Variants in METTL2A observed in about 807,000 individuals in gnomAD.
METTL2A encodes the protein methyltransferase 2A, tRNA N3-cytidine, also known as tRNA N(3)-cytidine methyltransferase METTL2A.
METTL2A carries 45 observed loss-of-function variants against 49.4 expected under a neutral mutation model. The observed-to-expected ratio is 0.91, with a 90% CI of 0.72 to 1.17. The LOEUF (loss-of-function observed/expected upper bound fraction) is 1.17. Among genes scored for constraint, METTL2A ranks in the 50% most tolerant of loss-of-function variants. The pLI is 0.00. For missense variants in METTL2A, 361 were observed against 462.2 expected, an observed-to-expected ratio of 0.78 and a Z score of 2.01; for synonymous variants, 118 against 167.5, an observed-to-expected ratio of 0.70 and a Z score of 2.28.
chr17:62,451,369 A>T lies in METTL2A; in HGVS notation c.*2640A>T, dbSNP rs1296057883. 6.6e-6 allele frequency among the ~76,000 whole-genome samples: 1 copy of T among 150,786 alleles called. No homozygotes were observed. Among genetic ancestry groups the T allele is most frequent in the Non-Finnish European group, 1.5e-5 (1 of 67,648 alleles). ...CTCCATGTTGGTCAGGCTGATCTCG[A>T]ACTCCCGACCTCAGGTGATCTGCCC... On this transcript the variant is annotated 3_prime_UTR_variant, in exon 9 of 9. Transcript: ENST00000311506.
intron 7 of METTL2A, among the ~76,000 whole-genome samples, chr17:62,446,109 A>G (rs1220298534): frequency 6.6e-6 from 1 of 152,244 alleles, no homozygotes; most frequent in East Asian, 1.9e-4. Flanking sequence ...TGGCCAATTC[A>G]AAGAAAGAGG....
intron 4 of METTL2A, among the ~76,000 whole-genome samples, chr17:62,434,094 A>G (rs1302017881): frequency 6.6e-6 from 1 of 152,224 alleles, no homozygotes; most frequent in Non-Finnish European, 1.5e-5. Flanking sequence ...CTGGCTGATT[A>G]GAGAACAGGA....
At chr17:62,444,964 C>T in intron 7 of METTL2A, 21 bp downstream of exon 7, 1 of 1,611,256 alleles carries the variant, frequency 6.2e-7, no homozygotes, top group Non-Finnish European at 8.5e-7. Context: ...AGTGCTGAAT[C>T]CTAACCACTA....
At chr17:62,430,124 T>C (rs149957280) in intron 4 of METTL2A, among the ~76,000 whole-genome samples, 1,600 of 152,338 alleles carry the variant, frequency 0.011, 23 homozygotes, top group African/African-American at 0.037. Context: ...TTAGCCTCAT[T>C]ACTAATATAC....
intron 7 of METTL2A, among the ~76,000 whole-genome samples, chr17:62,445,642 T>G (rs1212446660): frequency 6.6e-6 from 1 of 151,824 alleles, no homozygotes; most frequent in African/African-American, 2.4e-5. Context: ...CTACTAAAAA[T>G]ACAAATTAGC....
chr17:62,429,888 C>T, intron 4 of METTL2A, among the ~76,000 whole-genome samples: 1 of 152,238 alleles, frequency 6.6e-6, no homozygotes, highest in South Asian at 2.1e-4. Flanking sequence ...CTAGGCTGGT[C>T]TCGAACTCCT....
chr17:62,446,829 C>T, intron 7 of METTL2A, among the ~76,000 whole-genome samples: 1 of 152,112 alleles, frequency 6.6e-6, no homozygotes, highest in East Asian at 1.9e-4. Context: ...GAGCAATGTG[C>T]AAGGGAGTAT....
At chr17:62,438,973 ATTTTT>A (rs1167283450) in intron 5 of METTL2A, among the ~76,000 whole-genome samples, 2 of 93,546 alleles carry the variant, frequency 2.1e-5, no homozygotes, top group African/African-American at 9.1e-5. Flanking sequence ...CACTTGGCTA[ATTTTT>A]TTTTTTTTTT....
At chr17:62,441,626 T>C (rs1838971566) in intron 6 of METTL2A, among the ~76,000 whole-genome samples, 1 of 151,724 alleles carries the variant, frequency 6.6e-6, no homozygotes, top group Non-Finnish European at 1.5e-5. Context: ...TTTGTATTTT[T>C]AGTAGATGCG....
intron 4 of METTL2A, chr17:62,434,717 G>A (rs2070689399): frequency 6.4e-6 from 1 of 156,952 alleles, no homozygotes; most frequent in African/African-American, 2.4e-5. Context: ...ATTTTGTGTT[G>A]TTCATCTTTA....
intron 7 of METTL2A, 34 bp downstream of exon 7, chr17:62,444,977 G>T: frequency 6.2e-7 from 1 of 1,607,456 alleles, no homozygotes. Context: ...AACCACTAGA[G>T]ATCATGTCCT....
chr17:62,447,656 G>T (rs1215866851), intron 7 of METTL2A, 45 bp from the exon 8 acceptor site: 6 of 1,608,622 alleles, frequency 3.7e-6, no homozygotes, highest in Non-Finnish European at 5.1e-6. Flanking sequence ...GCGAGTCAAA[G>T]AAGTGCTTTT....
Position 62,440,630 on chromosome 17 carries a change from A to G in METTL2A, c.683A>G (p.Tyr228Cys), listed in dbSNP as rs745730388. ...ATCTGTCTGCAGACAAATTCAGAAT[A>G]TGATCCTTCTCGGTGTTTTGCCTTT... Reference protein sequence around the residue: ...AIELVQTNSEYDPSRCFAFVH... With the variant: ...AIELVQTNSECDPSRCFAFVH... The change falls in exon 6 of 9, where the codon TAT becomes TGT. Residue 228 changes from tyrosine to cysteine, a missense_variant. Transcript: ENST00000311506. 2 of 1,612,826 alleles carry G rather than the reference A, an allele frequency of 1.2e-6. No individual in the cohort carries two copies. Among genetic ancestry groups the G allele is most frequent in the South Asian group, 1.1e-5 (1 of 90,896 alleles).
intron 5 of METTL2A, among the ~76,000 whole-genome samples, chr17:62,436,006 T>C (rs571898418): frequency 6.6e-6 from 1 of 151,766 alleles, no homozygotes; most frequent in East Asian, 1.9e-4. Flanking sequence ...GAGGCCGGGG[T>C]GGGCAGATCA....
chr17:62,446,663 T>TG (rs2070771091), intron 7 of METTL2A, among the ~76,000 whole-genome samples: 1 of 152,112 alleles, frequency 6.6e-6, no homozygotes, highest in African/African-American at 2.4e-5. Context: ...TCATTTTTTT[T>TG]GAATATAGTC....
chr17:62,424,845 C>G (rs2070612654), intron 2 of METTL2A, among the ~76,000 whole-genome samples: 1 of 151,484 alleles, frequency 6.6e-6, no homozygotes, highest in Non-Finnish European at 1.5e-5. Flanking sequence ...AAGGAGGCCC[C>G]TGCTTGAGAG....
At chr17:62,446,060 T>A (rs1416852461) in intron 7 of METTL2A, among the ~76,000 whole-genome samples, 3 of 152,148 alleles carry the variant, frequency 2.0e-5, no homozygotes, top group Non-Finnish European at 2.9e-5. Flanking sequence ...AAACAACACT[T>A]CAAGGAAATA....
At chr17:62,447,806 A>G (rs2070779302) in intron 8 of METTL2A, 40 bp downstream of exon 8, 1 of 1,611,236 alleles carries the variant, frequency 6.2e-7, no homozygotes, top group African/African-American at 1.3e-5. Context: ...AGTCCCCAGT[A>G]CCAGATGAGA....
intron 7 of METTL2A, among the ~76,000 whole-genome samples, chr17:62,445,964 T>G (rs770798696): frequency 4.6e-5 from 7 of 152,126 alleles, no homozygotes; most frequent in Non-Finnish European, 8.8e-5. Flanking sequence ...CTCATGAAAC[T>G]GATAAGGAAA....
Sources: allele counts gnomAD v4.1 joint callset (sites outside exome capture counted in the v4.1 genomes callset), GRCh38; gene constraint gnomAD v4.1.1; transcripts MANE v1.5; gene names NCBI Gene and HGNC (gene_info 2026-07-23, HGNC 2026-07-21).